The following AGBL1 variants were observed in gnomAD, a reference collection of about 807,000 sequenced individuals.
AGBL1 encodes cytosolic carboxypeptidase 4.
Under a neutral mutation model 118.9 loss-of-function variants are expected in AGBL1, and 130 were observed. That is an observed-to-expected ratio of 1.09 (90% confidence interval 0.95 to 1.26). The LOEUF (loss-of-function observed/expected upper bound fraction) is 1.26. AGBL1 is among the 50% of genes most tolerant of loss of function. AGBL1 has a pLI of 0.00. For synonymous variants in AGBL1, 555 were observed against 478.9 expected (o/e 1.16, Z -2.08); for missense variants, 1,584 against 1,298.1 (o/e 1.22, Z -3.38).
rs979311853 is a variant in AGBL1 at position 86,959,440 on chromosome 15, G to C, written c.3222-28547G>C. Among the ~76,000 whole-genome samples the C allele has an allele frequency of 9.9e-5, 15 of 152,082 alleles. 1 individual carries two copies. The highest frequency in any genetic ancestry group is 5.9e-4 in the Admixed American group (9 of 15,256). ...TGGGTGTTCTCTGGTTTGACCAGAA[G>C]TGGTTTCACATTTCTAATATGGACT... On this transcript the variant is annotated intron_variant, in intron 23 of 24. Transcript: ENST00000441037.
chr15:86,281,300 T>C (rs950166143), intron 16 of AGBL1, among the ~76,000 whole-genome samples: 8 of 152,152 alleles, frequency 5.3e-5, no homozygotes, highest in African/African-American at 9.7e-5. Context: ...GGAGGATCAC[T>C]TGGGCTCAGG....
At chr15:86,096,819 C>T (rs190391328) in intron 1 of AGBL1, among the ~76,000 whole-genome samples, 109 of 152,298 alleles carry the variant, frequency 7.2e-4, no homozygotes, top group African/African-American at 2.5e-3. Flanking sequence ...CCCTATGTCC[C>T]AGCTTCCCCT....
chr15:86,546,293 G>A (rs1323927481), intron 20 of AGBL1, among the ~76,000 whole-genome samples, 160 bp downstream of exon 20: 1 of 151,258 alleles, frequency 6.6e-6, no homozygotes, highest in Non-Finnish European at 1.5e-5. Flanking sequence ...CAGGCTGGAA[G>A]CATGTGTAAC....
At chr15:86,110,977 C>T (rs896963568) in intron 1 of AGBL1, among the ~76,000 whole-genome samples, 2 of 152,130 alleles carry the variant, frequency 1.3e-5, no homozygotes, top group African/African-American at 4.8e-5. Flanking sequence ...GCTACAATTA[C>T]TAATGTGACA....
intron 22 of AGBL1, among the ~76,000 whole-genome samples, chr15:86,796,720 C>A (rs72750041): frequency 6.6e-6 from 1 of 152,232 alleles, no homozygotes; most frequent in Non-Finnish European, 1.5e-5. Flanking sequence ...TAGCTACACC[C>A]ATCTATTTAC....
At chr15:86,406,325 T>C (rs1247678576) in intron 18 of AGBL1, among the ~76,000 whole-genome samples, 1 of 152,212 alleles carries the variant, frequency 6.6e-6, no homozygotes, top group Non-Finnish European at 1.5e-5. Context: ...TGAAAATAAG[T>C]GCAAAGTATC....
intron 23 of AGBL1, among the ~76,000 whole-genome samples, chr15:86,933,396 A>C (rs2080629101): frequency 6.6e-6 from 1 of 152,168 alleles, no homozygotes; most frequent in Non-Finnish European, 1.5e-5. Flanking sequence ...AATTCTGCTC[A>C]AATGTAGGCA....
At chr15:86,870,835 G>T (rs1411732482) in intron 22 of AGBL1, among the ~76,000 whole-genome samples, 1 of 152,168 alleles carries the variant, frequency 6.6e-6, no homozygotes, top group Non-Finnish European at 1.5e-5. Flanking sequence ...CATCAAAGAT[G>T]ATATTGGATC....
chr15:86,798,533 G>A (rs2141344308), intron 22 of AGBL1, among the ~76,000 whole-genome samples: 1 of 151,946 alleles, frequency 6.6e-6, no homozygotes, highest in East Asian at 1.9e-4. Flanking sequence ...GTAACCTATT[G>A]AATGAGCCAC....
intron 21 of AGBL1, among the ~76,000 whole-genome samples, chr15:86,586,176 T>C (rs2084245497): frequency 6.6e-6 from 1 of 152,238 alleles, no homozygotes; most frequent in South Asian, 2.1e-4. Context: ...TCTCTCTTGC[T>C]TACTCTCTCA....
At position 86,752,133 on chromosome 15, in the gene AGBL1, C is replaced by T. The variant is rs941795834; in HGVS notation, c.3158+77697C>T. Among the ~76,000 whole-genome samples the T allele has an allele frequency of 3.3e-4, 50 of 152,060 alleles. 1 individual carries two copies. Among genetic ancestry groups the T allele is most frequent in the Non-Finnish European group, 6.2e-4 (42 of 67,990 alleles). On this transcript the variant is annotated intron_variant, in intron 22 of 22. Coordinates refer to ENST00000614907, the MANE Select transcript of AGBL1 (RefSeq NM_001386094.1). ...CAGGAGTTAATGTACCACAGGTGGA[C>T]ATTCTAGAACCTCTACTTATCTGTT... is the stretch of plus-strand genomic sequence containing the variant.
intron 3 of AGBL1, among the ~76,000 whole-genome samples, chr15:86,151,464 A>C (rs886418354): frequency 1.3e-5 from 2 of 152,166 alleles, no homozygotes; most frequent in Non-Finnish European, 2.9e-5. Context: ...AAAGGCCTTC[A>C]ACAAAATTCA....
intron 19 of AGBL1, among the ~76,000 whole-genome samples, chr15:86,542,768 C>G (rs918045795): frequency 6.6e-6 from 1 of 152,254 alleles, no homozygotes; most frequent in South Asian, 2.1e-4. Context: ...CATCAACCAT[C>G]GTATCTCGCT....
At chr15:86,411,659 C>T (rs12910819) in intron 18 of AGBL1, among the ~76,000 whole-genome samples, 16,158 of 152,156 alleles carry the variant, frequency 0.11, 1,209 homozygotes, top group African/African-American at 0.21. Context: ...CTATTTACAG[C>T]TTCTTTCTGC....
chr15:86,902,133 G>T (rs1189812372), intron 22 of AGBL1, among the ~76,000 whole-genome samples: 3 of 152,124 alleles, frequency 2.0e-5, no homozygotes, highest in Non-Finnish European at 4.4e-5. Context: ...TAATGTCCAA[G>T]AGTGTAATTG....
chr15:86,383,275 A>AAAAAT (rs544397935), intron 17 of AGBL1, among the ~76,000 whole-genome samples: 16,016 of 118,494 alleles, frequency 0.14, 2,034 homozygotes, highest in East Asian at 0.49. Context: ...AAAAAAAAAA[A>AAAAAT]TCCTAATTGC....
intron 22 of AGBL1, among the ~76,000 whole-genome samples, chr15:86,683,118 G>T (rs1002268828): frequency 6.6e-6 from 1 of 152,136 alleles, no homozygotes; most frequent in Non-Finnish European, 1.5e-5. Flanking sequence ...TACGAGTTCA[G>T]CAACACAAAA....
At chr15:86,422,642 A>G (rs552565918) in intron 18 of AGBL1, among the ~76,000 whole-genome samples, 8 of 152,300 alleles carry the variant, frequency 5.3e-5, no homozygotes, top group African/African-American at 1.4e-4. Context: ...AAAAAAATCA[A>G]TGAATCCAGG....
chr15:86,512,368 T>C (rs1269579919), intron 18 of AGBL1, among the ~76,000 whole-genome samples: 5 of 151,978 alleles, frequency 3.3e-5, no homozygotes, highest in South Asian at 2.1e-4. Context: ...TATACCTCTA[T>C]ATTTGAAAAA....
Sources: gnomAD v4.1 joint callset for allele counts (sites outside exome capture counted in the v4.1 genomes callset) on GRCh38, gnomAD v4.1.1 for gene constraint, MANE v1.5 for transcripts, NCBI Gene and HGNC (gene_info 2026-07-23, HGNC 2026-07-21) for gene names.